ACO2: variants seen among roughly 807,000 people sequenced by gnomAD.
ACO2 encodes aconitate hydratase, mitochondrial.
ACO2 carries 31 observed loss-of-function variants against 84.5 expected under a neutral mutation model. The ratio of observed to expected loss-of-function variants is 0.37; its 90% confidence interval spans 0.28 to 0.50. ACO2 has a LOEUF of 0.50. Ranked by LOEUF, ACO2 falls within the 20% of genes least tolerant of loss-of-function variation. The probability of loss-of-function intolerance (pLI) is 0.97; values close to 1 mark genes in which losing one functional copy is unlikely to be tolerated. For missense variants in ACO2, 685 were observed against 1,029.3 expected (o/e 0.67, Z 4.58); for synonymous variants, 414 against 412.7 (o/e 1.00, Z -0.04).
chr22:41,519,118 C>G (rs1601921254), intron 8 of ACO2, among the ~76,000 whole-genome samples: 2 of 152,272 alleles, frequency 1.3e-5, no homozygotes, highest in South Asian at 4.1e-4. Flanking sequence ...CAGTTTGCCA[C>G]CAGCTCAGCT....
intron 3 of ACO2, among the ~76,000 whole-genome samples, chr22:41,509,670 G>A (rs1484060397): frequency 6.6e-6 from 1 of 152,050 alleles, no homozygotes; most frequent in Non-Finnish European, 1.5e-5. Context: ...AAGTGAGAGG[G>A]GGCCTGTACT....
At chr22:41,493,458 C>T (rs2066289320) in intron 1 of ACO2, among the ~76,000 whole-genome samples, 2 of 152,132 alleles carry the variant, frequency 1.3e-5, no homozygotes, top group South Asian at 4.2e-4. Context: ...GCTCTGAAGC[C>T]AGGAGTCAAG....
At chr22:41,474,730 C>T (rs1057371566) in intron 1 of ACO2, among the ~76,000 whole-genome samples, 8 of 150,464 alleles carry the variant, frequency 5.3e-5, no homozygotes, top group African/African-American at 2.0e-4. Flanking sequence ...TCCTGAGTAG[C>T]TGGAACTACA....
intron 6 of ACO2, 105 bp from the exon 7 acceptor site, chr22:41,517,422 G>A: frequency 1.1e-6 from 1 of 878,248 alleles, no homozygotes; most frequent in Admixed American, 2.0e-5. Flanking sequence ...AGTGGGAGGA[G>A]AAGCAATGCA....
chr22:41,509,300 C>A (rs1326673769), intron 3 of ACO2, among the ~76,000 whole-genome samples: 1 of 152,086 alleles, frequency 6.6e-6, no homozygotes, highest in African/African-American at 2.4e-5. Context: ...TTCCCTCATG[C>A]GTTCAACAAA....
In ACO2 at chr22:41,527,640, G is replaced by A. The variant is rs17367849; in HGVS notation, c.2086+220G>A. On this transcript the variant is annotated intron_variant, in intron 16 of 17. Transcript: ENST00000216254. ...GCTTCCAGGCTTGTAGATCTGAGCC[G>A]CTGAGATCTAGGACATGTGCCAGGG... 0.2 allele frequency: 159,902 copies of A among 800,990 alleles called. 19,042 individuals are homozygous for A. The highest frequency in any genetic ancestry group is 0.42 in the Admixed American group (14,477 of 34,174). The allele number at this position is 800,990 out of a possible 1,614,324, so 49.6% of individuals were successfully genotyped here.
chr22:41,473,890 T>A (rs2037975714), intron 1 of ACO2, among the ~76,000 whole-genome samples: 1 of 152,154 alleles, frequency 6.6e-6, no homozygotes, highest in Non-Finnish European at 1.5e-5. Flanking sequence ...TACAGTGTCC[T>A]GAGGAGCGAA....
chr22:41,523,059 A>T lies in ACO2; in HGVS notation c.1296+72A>T, dbSNP rs2066539866. ...TAATGCCTCCAGGCGGCACAAGCCCAGAGGCCTGTTGGGCCGGGGCTGGGG... is the reference window on the plus strand; with the variant it reads ...TAATGCCTCCAGGCGGCACAAGCCCTGAGGCCTGTTGGGCCGGGGCTGGGG... On this transcript the variant is annotated intron_variant, in intron 10 of 17. Transcript: ENST00000216254. 5.7e-6 allele frequency: 9 copies of T among 1,590,550 alleles called. No homozygotes were observed. In the Admixed American group the frequency reaches 1.5e-4, roughly 27 times the overall value.
chr22:41,519,893 C>T (rs1385974886), intron 8 of ACO2, among the ~76,000 whole-genome samples: 1 of 152,192 alleles, frequency 6.6e-6, no homozygotes, highest in Non-Finnish European at 1.5e-5. Context: ...TTCCATGCCT[C>T]TGCTGTCTCC....
chr22:41,523,981 T>A (rs764516597), intron 12 of ACO2, 40 bp downstream of exon 12: 15 of 1,577,364 alleles, frequency 9.5e-6, no homozygotes, highest in Non-Finnish European at 1.3e-5. Flanking sequence ...GGATGGCCTC[T>A]GGGGGTCCCT....
intron 1 of ACO2, among the ~76,000 whole-genome samples, chr22:41,496,262 C>G (rs1340110645): frequency 6.6e-6 from 1 of 152,034 alleles, no homozygotes; most frequent in Non-Finnish European, 1.5e-5. Context: ...TTGCCGTGAG[C>G]TGAGATCGTG....
intron 15 of ACO2, 143 bp downstream of exon 15, chr22:41,526,596 G>A: frequency 1.1e-6 from 1 of 891,642 alleles, no homozygotes; most frequent in Non-Finnish European, 1.6e-6. Context: ...GGGAGGAGAG[G>A]CCTGCAGCCC....
In ACO2 at chr22:41,528,670, A is replaced by G; in HGVS notation, c.*57A>G. ...CAAGTTCAGCTCCACGTGTGCCATC[A>G]GTGGATCCGATCCGTCCAGCCATGG... On this transcript the variant is annotated 3_prime_UTR_variant, in exon 18 of 18. Coordinates refer to ENST00000216254, the MANE Select transcript of ACO2 (RefSeq NM_001098.3). 2 of 1,593,944 alleles carry G rather than the reference A, an allele frequency of 1.3e-6. No individual in the cohort carries two copies. The highest frequency in any genetic ancestry group is 1.7e-6 in the Non-Finnish European group (2 of 1,172,974).
In ACO2 at chr22:41,521,340, T is replaced by C. The variant is rs909136302; in HGVS notation, c.1138+1064T>C. On this transcript the variant is annotated intron_variant, in intron 9 of 17. Transcript: ENST00000216254. Reference sequence around the variant, plus strand: ...GTCACTGGCATCTGCTGCTGCTGGGTACAGTGTGGCTGTGAAGAGCATGGA... The same window carrying C: ...GTCACTGGCATCTGCTGCTGCTGGGCACAGTGTGGCTGTGAAGAGCATGGA... 7 of 152,356 alleles carry C rather than the reference T, an allele frequency of 4.6e-5. No homozygotes were observed. The East Asian group carries it at 1.2e-3, about 25-fold the overall frequency. 9.4% of individuals were successfully genotyped at this position (152,356 alleles called of 1,614,324 possible).
intron 11 of ACO2, 50 bp from the exon 12 acceptor site, chr22:41,523,780 C>A: frequency 1.3e-6 from 2 of 1,504,084 alleles, no homozygotes; most frequent in Non-Finnish European, 1.8e-6. Flanking sequence ...TCGGGACAGG[C>A]CAGGTGACAA....
At chr22:41,505,478 C>T (rs2066386664) in intron 2 of ACO2, among the ~76,000 whole-genome samples, 1 of 151,940 alleles carries the variant, frequency 6.6e-6, no homozygotes, top group African/African-American at 2.4e-5. Flanking sequence ...TCACCATGTG[C>T]TGGCCCTATT....
At chr22:41,484,766 A>G (rs5751114) in intron 1 of ACO2, among the ~76,000 whole-genome samples, 24,858 of 152,076 alleles carry the variant, frequency 0.16, 5,085 homozygotes, top group East Asian at 0.48. Context: ...TTCATTCCTC[A>G]CATAATACTG....
At chr22:41,490,139 A>G (rs566194278) in intron 1 of ACO2, among the ~76,000 whole-genome samples, 1 of 152,314 alleles carries the variant, frequency 6.6e-6, no homozygotes, top group South Asian at 2.1e-4. Context: ...CCTGGCAAAC[A>G]TGGTGAAACC....
intron 1 of ACO2, among the ~76,000 whole-genome samples, chr22:41,482,481 A>G (rs1416218927): frequency 6.6e-6 from 1 of 152,266 alleles, no homozygotes; most frequent in Non-Finnish European, 1.5e-5. Flanking sequence ...GGGAGGTGAT[A>G]GTTACTCCAA....
Sources: allele counts gnomAD v4.1 joint callset (sites outside exome capture counted in the v4.1 genomes callset), GRCh38; gene constraint gnomAD v4.1.1; transcripts MANE v1.5; gene names NCBI Gene and HGNC (gene_info 2026-07-23, HGNC 2026-07-21).